The following CFAP299 variants were observed in gnomAD, a reference collection of about 807,000 sequenced individuals.
The protein encoded by CFAP299 is cilia and flagella associated protein 299, also known as cilia- and flagella-associated protein 299.
A neutral mutation model predicts 27.0 loss-of-function variants in CFAP299; 21 were observed. The ratio of observed to expected loss-of-function variants is 0.78; its 90% CI spans 0.55 to 1.12. The LOEUF is 1.12. Among genes scored for constraint, CFAP299 ranks in the 50% most tolerant of loss-of-function variants. The pLI is 0.00. For missense variants in CFAP299, 310 were observed against 276.6 expected (o/e 1.12, Z -0.86); for synonymous variants, 104 against 98.1 (o/e 1.06, Z -0.36).
At chr4:80,958,555 C>T (rs919309170) in intron 5 of CFAP299, among the ~76,000 whole-genome samples, 6 of 152,138 alleles carry the variant, frequency 3.9e-5, no homozygotes, top group African/African-American at 1.4e-4. Context: ...CTATGGGTTA[C>T]AGATTTCTTA....
At chr4:80,552,755 A>G (rs1268955747) in intron 2 of CFAP299, among the ~76,000 whole-genome samples, 1 of 152,164 alleles carries the variant, frequency 6.6e-6, no homozygotes, top group African/African-American at 2.4e-5. Flanking sequence ...TGGCATGAGT[A>G]TAGCTTACTG....
At chr4:80,661,927 G>T (rs1362454269) in intron 3 of CFAP299, among the ~76,000 whole-genome samples, 1 of 152,158 alleles carries the variant, frequency 6.6e-6, no homozygotes, top group East Asian at 1.9e-4. Flanking sequence ...GTGGATAAGG[G>T]ATAAAATAAG....
At chr4:80,814,214 C>T (rs1328894860) in intron 3 of CFAP299, among the ~76,000 whole-genome samples, 2 of 152,124 alleles carry the variant, frequency 1.3e-5, no homozygotes, top group East Asian at 1.9e-4. Context: ...TTCATCACTT[C>T]CCTAAAACAA....
At position 80,942,944 on chromosome 4, in the gene CFAP299, T is replaced by C. The variant is rs1313740630; in HGVS notation, c.477-1866T>C. 2.0e-5 allele frequency among the ~76,000 whole-genome samples: 3 copies of C among 152,204 alleles called. No individual in the cohort carries two copies. The East Asian group carries it at 5.8e-4, about 29-fold the overall frequency. On this transcript the variant is annotated intron_variant, in intron 4 of 5. Transcript: ENST00000358105. ...TAGAAAATCCAGCTTGCGTAGATAGTCAAATTGGCTTCTAATGCCTTCACC... is the reference window on the plus strand; with the variant it reads ...TAGAAAATCCAGCTTGCGTAGATAGCCAAATTGGCTTCTAATGCCTTCACC...
At chr4:80,766,863 G>C (rs1192394610) in intron 3 of CFAP299, among the ~76,000 whole-genome samples, 4 of 152,210 alleles carry the variant, frequency 2.6e-5, no homozygotes, top group Non-Finnish European at 2.9e-5. Flanking sequence ...AGAATCTTAA[G>C]TATAGAGAGT....
chr4:80,664,402 A>G (rs912535980), intron 3 of CFAP299, among the ~76,000 whole-genome samples: 2 of 152,004 alleles, frequency 1.3e-5, no homozygotes, highest in African/African-American at 2.4e-5. Context: ...TAAGCCCATG[A>G]CTGGGGTTGC....
intron 3 of CFAP299, among the ~76,000 whole-genome samples, chr4:80,596,829 T>C (rs1357735988): frequency 6.6e-6 from 1 of 152,196 alleles, no homozygotes; most frequent in Non-Finnish European, 1.5e-5. Context: ...TTAAATGTTA[T>C]ATAAATAGAA....
At chr4:80,697,675 A>G (rs1006591338) in intron 3 of CFAP299, among the ~76,000 whole-genome samples, 2 of 152,128 alleles carry the variant, frequency 1.3e-5, no homozygotes, top group South Asian at 2.1e-4. Flanking sequence ...GTGGCTTTGG[A>G]CCGTGGTGAA....
chr4:80,844,553 T>G (rs1560440750), intron 3 of CFAP299, among the ~76,000 whole-genome samples: 1 of 152,252 alleles, frequency 6.6e-6, no homozygotes, highest in Non-Finnish European at 1.5e-5. Context: ...AAATGTCTTC[T>G]TTTGAGAATT....
At chr4:80,720,100 A>G (rs566689894) in intron 3 of CFAP299, among the ~76,000 whole-genome samples, 1 of 152,276 alleles carries the variant, frequency 6.6e-6, no homozygotes, top group South Asian at 2.1e-4. Context: ...TGGAACTTTC[A>G]GTATCAGAAA....
intron 3 of CFAP299, among the ~76,000 whole-genome samples, chr4:80,610,951 T>C (rs1288971555): frequency 6.6e-6 from 1 of 151,980 alleles, no homozygotes; most frequent in Non-Finnish European, 1.5e-5. Flanking sequence ...CCTCCAAAAG[T>C]AAGTGCAAAT....
intron 3 of CFAP299, among the ~76,000 whole-genome samples, chr4:80,683,730 G>A (rs1344400887): frequency 1.3e-5 from 2 of 152,158 alleles, no homozygotes; most frequent in African/African-American, 2.4e-5. Flanking sequence ...TTTTAATGGT[G>A]TATGGTTTTT....
intron 3 of CFAP299, among the ~76,000 whole-genome samples, chr4:80,758,304 G>A (rs1725363096): frequency 6.6e-6 from 1 of 152,104 alleles, no homozygotes; most frequent in Non-Finnish European, 1.5e-5. Flanking sequence ...GTTGTCCCAG[G>A]CCAGATGCCT....
intron 2 of CFAP299, among the ~76,000 whole-genome samples, chr4:80,523,000 G>A (rs1266668317): frequency 1.3e-5 from 2 of 149,622 alleles, no homozygotes; most frequent in African/African-American, 5.0e-5. Flanking sequence ...GGTTCCACAT[G>A]AATTTTAGGA....
intron 5 of CFAP299, among the ~76,000 whole-genome samples, chr4:80,950,260 C>G (rs552352278): frequency 2.0e-5 from 3 of 151,666 alleles, no homozygotes; most frequent in Non-Finnish European, 2.9e-5. Flanking sequence ...TCCACCCCCC[C>G]CCTTTCTCAT....
intron 2 of CFAP299, among the ~76,000 whole-genome samples, chr4:80,518,300 C>A (rs1359506736): frequency 2.0e-5 from 3 of 152,002 alleles, no homozygotes; most frequent in African/African-American, 4.8e-5. Context: ...GAGTGGATAG[C>A]CAGAGCACTA....
chr4:80,919,802 A>AT lies in CFAP299; in HGVS notation c.477-24999dup, dbSNP rs199692811. On this transcript the variant is annotated intron_variant, in intron 4 of 5. Transcript: ENST00000358105. ...CCAGATAGAATCAAAGAGAGCACTAATTTTTTTTTACATAGATCCAAGTCC... is the reference window on the plus strand; with the variant it reads ...CCAGATAGAATCAAAGAGAGCACTAATTTTTTTTTTACATAGATCCAAGTCC... Among the ~76,000 whole-genome samples, 1,015 of 151,690 alleles carry AT rather than the reference A, an allele frequency of 6.7e-3. 9 individuals carry two copies. The highest frequency in any genetic ancestry group is 0.023 in the African/African-American group (965 of 41,380).
At chr4:80,771,366 T>C (rs755840039) in intron 3 of CFAP299, among the ~76,000 whole-genome samples, 7 of 152,182 alleles carry the variant, frequency 4.6e-5, no homozygotes, top group Non-Finnish European at 7.3e-5. Flanking sequence ...GAAATATAGA[T>C]ATTTGGTACA....
chr4:80,362,545 A>G (rs1723603628), intron 1 of CFAP299, among the ~76,000 whole-genome samples: 2 of 152,258 alleles, frequency 1.3e-5, no homozygotes, highest in Non-Finnish European at 2.9e-5. Flanking sequence ...TATATGGGAA[A>G]GGGAAGACCA....
Sources: allele counts gnomAD v4.1 joint callset (sites outside exome capture counted in the v4.1 genomes callset), GRCh38; gene constraint gnomAD v4.1.1; transcripts MANE v1.5; gene names NCBI Gene and HGNC (gene_info 2026-07-23, HGNC 2026-07-21).